The following MYO3A variants were observed in gnomAD, a reference collection of about 807,000 sequenced individuals.
MYO3A encodes the protein myosin IIIA, also known as myosin-IIIa.
MYO3A carries 180 observed loss-of-function variants against 192.7 expected under a neutral mutation model. The ratio of observed to expected loss-of-function variants is 0.93; its 90% CI spans 0.83 to 1.06. MYO3A has a LOEUF of 1.06. Ranked by LOEUF, MYO3A falls within the 50% of genes least tolerant of loss-of-function variation. MYO3A has a pLI of 0.00. For missense variants in MYO3A, 1,896 were observed against 1,905.0 expected (o/e 1.00, Z 0.09); for synonymous variants, 628 against 645.3 (o/e 0.97, Z 0.41).
chr10:26,054,040 C>T (rs371191743), intron 10 of MYO3A, among the ~76,000 whole-genome samples: 1 of 151,788 alleles, frequency 6.6e-6, no homozygotes, highest in South Asian at 2.1e-4. Flanking sequence ...CAAGAGGGAT[C>T]GAGAAAGCTA....
At chr10:26,039,126 C>T (rs144818189) in intron 10 of MYO3A, among the ~76,000 whole-genome samples, 3,803 of 151,678 alleles carry the variant, frequency 0.025, 185 homozygotes, top group African/African-American at 0.086. Flanking sequence ...CCACAACCTC[C>T]GCCTCCTGGG....
intron 6 of MYO3A, among the ~76,000 whole-genome samples, chr10:26,015,959 C>A (rs1841960430): frequency 6.6e-6 from 1 of 152,084 alleles, no homozygotes; most frequent in African/African-American, 2.4e-5. Flanking sequence ...TTTGGGGAGG[C>A]ACTTTTCAAA....
chr10:25,938,872 C>T (rs1284404442), intron 2 of MYO3A, among the ~76,000 whole-genome samples: 1 of 151,984 alleles, frequency 6.6e-6, no homozygotes, highest in Non-Finnish European at 1.5e-5. Context: ...GAAAACATGC[C>T]CGTGTTCACT....
intron 6 of MYO3A, among the ~76,000 whole-genome samples, chr10:26,010,030 C>T (rs183672640): frequency 4.2e-4 from 64 of 152,258 alleles, no homozygotes; most frequent in Admixed American, 4.1e-3. Flanking sequence ...TGTACATAGT[C>T]ATCCAGGATT....
intron 10 of MYO3A, among the ~76,000 whole-genome samples, chr10:26,062,819 C>T (rs1189944012): frequency 1.3e-5 from 2 of 151,806 alleles, no homozygotes; most frequent in East Asian, 3.9e-4. Context: ...GCGGGTTAAC[C>T]CTGGAAAAGA....
intron 33 of MYO3A, 154 bp from the exon 34 acceptor site, chr10:26,202,809 GT>G: frequency 1.2e-6 from 1 of 813,722 alleles, no homozygotes; most frequent in Non-Finnish European, 1.9e-6. Flanking sequence ...GGGATACACT[GT>G]TTTTCCCACA....
intron 10 of MYO3A, among the ~76,000 whole-genome samples, chr10:26,030,289 C>T (rs1248818962): frequency 6.6e-6 from 1 of 152,102 alleles, no homozygotes; most frequent in East Asian, 1.9e-4. Context: ...CTCTAATGCT[C>T]ATCTTGTTTT....
chr10:26,174,249 G>A lies in MYO3A; in HGVS notation c.3985G>A (p.Glu1329Lys). The A allele has an allele frequency of 6.2e-7, 1 of 1,614,174 alleles. No homozygotes were observed. The highest frequency in any genetic ancestry group is 8.5e-7 in the Non-Finnish European group (1 of 1,180,044). The change falls in exon 30 of 35, where the codon GAG becomes AAG. Residue 1329 changes from glutamate (E) to lysine (K), a missense_variant. Transcript: ENST00000642920. ...QEEGRGRLRH[E>K]TVKERQVEPV... ...GGAAGGCAGAGGCCGTCTGAGGCAT[G>A]AGACAGTCAAAGAGAGGCAAGTTGA...
intron 27 of MYO3A, among the ~76,000 whole-genome samples, chr10:26,167,452 A>C (rs927106929): frequency 1.3e-5 from 2 of 152,180 alleles, no homozygotes; most frequent in Non-Finnish European, 2.9e-5. Flanking sequence ...TTATCAGGCT[A>C]AAATCTCATG....
chr10:25,941,649 G>A (rs1431491444), intron 2 of MYO3A, among the ~76,000 whole-genome samples: 1 of 152,054 alleles, frequency 6.6e-6, no homozygotes, highest in Admixed American at 6.5e-5. Context: ...ATTTTTAAAT[G>A]TGCAGTTGAG....
At chr10:26,200,476 G>A (rs906432584) in intron 32 of MYO3A, among the ~76,000 whole-genome samples, 1 of 152,172 alleles carries the variant, frequency 6.6e-6, no homozygotes, top group African/African-American at 2.4e-5. Flanking sequence ...CAAATACGCT[G>A]TGGCAACATG....
intron 29 of MYO3A, among the ~76,000 whole-genome samples, chr10:26,173,031 T>A (rs1205519699): frequency 6.6e-6 from 1 of 150,766 alleles, no homozygotes; most frequent in Non-Finnish European, 1.5e-5. Context: ...TGTATTGCTC[T>A]TGTAAGGGTT....
intron 4 of MYO3A, among the ~76,000 whole-genome samples, chr10:25,977,464 G>A (rs543444246): frequency 1.3e-5 from 2 of 152,172 alleles, no homozygotes; most frequent in Non-Finnish European, 2.9e-5. Context: ...CTCACCTAGT[G>A]GTTTCCCTAA....
chr10:25,975,833 G>A (rs1264194274), intron 4 of MYO3A, among the ~76,000 whole-genome samples: 1 of 151,910 alleles, frequency 6.6e-6, no homozygotes. Flanking sequence ...GAATCAAAGT[G>A]GAAAAAAATC....
chr10:26,205,587 T>G (rs1843884661), intron 34 of MYO3A, among the ~76,000 whole-genome samples: 1 of 148,250 alleles, frequency 6.7e-6, no homozygotes, highest in African/African-American at 2.5e-5. Context: ...TTGTTAAAAA[T>G]GGCAGGATTT....
At position 26,145,455 on chromosome 10, in the gene MYO3A, A is replaced by T. The variant is rs1302513500; in HGVS notation, c.2426A>T (p.Glu809Val). ...CAGTATTTTTCTACAGAAAAATTTG[A>T]AGGTAACCTGAAATCACAATACTTC... is the stretch of plus-strand genomic sequence containing the variant. ...ATDQTLVEKF[E>V]GNLKSQYFWR... is the part of the protein sequence containing the mutation. Residue 809 changes from glutamate (E) to valine (V), a missense_variant, in exon 22 of 35, where the codon GAA (glutamate) becomes GTA (valine). Glu to Val is a moderately radical substitution (Grantham distance 121). Coordinates refer to ENST00000642920, the MANE Select transcript of MYO3A (RefSeq NM_017433.5). The T allele has an allele frequency of 2.5e-6, 4 of 1,601,624 alleles. No individual in the cohort carries two copies. In the Admixed American group the frequency reaches 5.0e-5, roughly 20 times the overall value.
At chr10:26,005,989 G>C (rs533590459) in intron 6 of MYO3A, among the ~76,000 whole-genome samples, 3 of 151,980 alleles carry the variant, frequency 2.0e-5, no homozygotes, top group Non-Finnish European at 2.9e-5. Context: ...AGAGCTTTAT[G>C]ATTCAAGCAG....
intron 10 of MYO3A, among the ~76,000 whole-genome samples, chr10:26,030,310 T>G (rs986645066): frequency 6.6e-6 from 1 of 152,200 alleles, no homozygotes; most frequent in African/African-American, 2.4e-5. Context: ...AGAAAATATC[T>G]TTGTCTTTTT....
chr10:25,943,768 T>TTGTGTGTGTGTGTGTGTG lies in MYO3A; in HGVS notation c.-18+7957_-18+7974dup, dbSNP rs58905708. ...TGAATTCATTAATTAGTTCTAACAT[T>TTGTGTGTGTGTGTGTGTG]TGTGTGTGTGTGTGTGTGTGTGTGT... On this transcript the variant is annotated intron_variant, in intron 2 of 34. Coordinates refer to ENST00000642920, the MANE Select transcript of MYO3A (RefSeq NM_017433.5). Among the ~76,000 whole-genome samples the TTGTGTGTGTGTGTGTGTG allele has an allele frequency of 5.7e-4, 81 of 142,682 alleles. 1 individual carries two copies. The highest frequency in any genetic ancestry group is 6.3e-4 in the Non-Finnish European group (41 of 65,158). 93.6% of individuals were successfully genotyped at this position (142,682 alleles called of 152,430 possible). A position where few individuals can be genotyped will look rare whatever the true frequency, so the allele number is the denominator to read the frequency against.
Sources: allele counts gnomAD v4.1 joint callset (sites outside exome capture counted in the v4.1 genomes callset), GRCh38; gene constraint gnomAD v4.1.1; transcripts MANE v1.5; gene names NCBI Gene and HGNC (gene_info 2026-07-23, HGNC 2026-07-21).